The following TTC28 variants were observed in gnomAD, a reference collection of about 807,000 sequenced individuals.
TTC28 encodes the protein tetratricopeptide repeat domain 28.
TTC28 carries 61 observed loss-of-function variants against 198.0 expected under a neutral mutation model. The ratio of observed to expected loss-of-function variants is 0.31; its 90% confidence interval spans 0.25 to 0.38. TTC28 has a LOEUF of 0.38. Among genes scored for constraint, TTC28 ranks in the 10% least tolerant of loss-of-function variants. TTC28 has a pLI of 1.00. For missense variants in TTC28, 2,678 were observed against 3,164.0 expected, an observed-to-expected ratio of 0.85 and a Z score of 3.69; for synonymous variants, 1,171 against 1,297.8, an observed-to-expected ratio of 0.90 and a Z score of 2.10.
chr22:28,193,221 C>A (rs1002642877), intron 5 of TTC28, among the ~76,000 whole-genome samples: 2 of 152,162 alleles, frequency 1.3e-5, no homozygotes, highest in African/African-American at 4.8e-5. Flanking sequence ...AAATCCTTTA[C>A]AGACAAGCGA....
intron 6 of TTC28, among the ~76,000 whole-genome samples, chr22:28,119,658 C>T (rs1171157515): frequency 6.6e-6 from 1 of 152,166 alleles, no homozygotes; most frequent in Non-Finnish European, 1.5e-5. Context: ...GCCAGGGATA[C>T]TAAACAACCT....
chr22:28,463,618 T>C (rs1334730269), intron 2 of TTC28, among the ~76,000 whole-genome samples: 1 of 152,136 alleles, frequency 6.6e-6, no homozygotes, highest in Non-Finnish European at 1.5e-5. Context: ...TGTAGGGACA[T>C]GGATGAAGCT....
At chr22:28,209,605 G>A (rs1926729664) in intron 5 of TTC28, among the ~76,000 whole-genome samples, 1 of 152,196 alleles carries the variant, frequency 6.6e-6, no homozygotes, top group Admixed American at 6.5e-5. Context: ...GTCTGCCATT[G>A]CTGAGTCTTG....
At chr22:28,492,052 T>C (rs528997162) in intron 2 of TTC28, among the ~76,000 whole-genome samples, 10 of 151,546 alleles carry the variant, frequency 6.6e-5, no homozygotes, top group Non-Finnish European at 1.3e-4. Context: ...TAGGTGAGAA[T>C]TGAACAATGA....
chr22:27,984,289 G>A (rs547135464), intron 22 of TTC28, among the ~76,000 whole-genome samples: 2 of 152,074 alleles, frequency 1.3e-5, no homozygotes, highest in South Asian at 2.1e-4. Flanking sequence ...ACCGACACTC[G>A]CTCTCCACAC....
At chr22:28,106,579 C>A (rs185881146) in intron 7 of TTC28, among the ~76,000 whole-genome samples, 1 of 152,258 alleles carries the variant, frequency 6.6e-6, no homozygotes, top group East Asian at 1.9e-4. Flanking sequence ...CAACATAGTA[C>A]ATTTATGCAT....
intron 6 of TTC28, among the ~76,000 whole-genome samples, chr22:28,151,297 C>G (rs1601390055): frequency 6.6e-6 from 1 of 152,336 alleles, no homozygotes; most frequent in African/African-American, 2.4e-5. Flanking sequence ...CAAGTGCCAA[C>G]TGCCAAGCTG....
In TTC28 at chr22:27,996,142, AGCAGCACTCGCAGGGCGTCCCGC is replaced by A; in HGVS notation, c.5214_5236del (p.Arg1739AlafsTer108). On this transcript the variant is annotated frameshift_variant, in exon 17 of 23. Coordinates refer to ENST00000397906, the MANE Select transcript of TTC28 (RefSeq NM_001145418.2). LOFTEE classifies it high-confidence loss of function. ...GGTGCCCGACCCCCTTACCAGGTGC[AGCAGCACTCGCAGGGCGTCCCGC>A]GCACGCTCCGGGTGCTGCAGGATCT... 1 of 1,549,674 alleles carries A rather than the reference AGCAGCACTCGCAGGGCGTCCCGC, an allele frequency of 6.5e-7. No individual in the cohort carries two copies. Among genetic ancestry groups the A allele is most frequent in the Non-Finnish European group, 8.7e-7 (1 of 1,146,904 alleles).
intron 5 of TTC28, 104 bp from the exon 6 acceptor site, chr22:28,163,703 C>G (rs1205216626): frequency 1.6e-6 from 2 of 1,254,724 alleles, no homozygotes; most frequent in South Asian, 1.6e-5. Context: ...CGAATAGGAA[C>G]AGCTCTAGTC....
intron 2 of TTC28, among the ~76,000 whole-genome samples, chr22:28,374,887 T>C (rs1326627352): frequency 1.3e-5 from 2 of 151,804 alleles, no homozygotes; most frequent in African/African-American, 4.8e-5. Flanking sequence ...GATGGGGTTT[T>C]GCCATGTTGG....
intron 2 of TTC28, 35 bp downstream of exon 2, chr22:28,629,517 T>G: frequency 6.6e-7 from 1 of 1,508,224 alleles, no homozygotes; most frequent in Middle Eastern, 1.7e-4. Context: ...CAAAAGATTC[T>G]ATGAAAATAA....
intron 6 of TTC28, among the ~76,000 whole-genome samples, chr22:28,110,181 G>A (rs958478044): frequency 6.6e-6 from 1 of 152,162 alleles, no homozygotes; most frequent in Non-Finnish European, 1.5e-5. Context: ...TGAGTCTGTG[G>A]GGACCACTCT....
In TTC28 at chr22:28,015,863, G is replaced by A. The variant is rs185153280; in HGVS notation, c.4074-1471C>T. Among the ~76,000 whole-genome samples the A allele has an allele frequency of 2.3e-3, 354 of 151,708 alleles. 5 individuals carry two copies. Among genetic ancestry groups the A allele is most frequent in the Admixed American group, 1.9e-3 (29 of 15,174 alleles). The stretch of plus-strand genomic sequence containing the variant: ...AGGTTCAGTAGGTACTCTGGCTACT[G>A]GCAGTGACAGCAACTAGATTGTTGC... On this transcript the variant is annotated intron_variant, in intron 13 of 22. Coordinates refer to ENST00000397906, the MANE Select transcript of TTC28 (RefSeq NM_001145418.2).
chr22:28,026,201 G>A (rs1938825710), intron 13 of TTC28, among the ~76,000 whole-genome samples: 1 of 152,216 alleles, frequency 6.6e-6, no homozygotes, highest in Non-Finnish European at 1.5e-5. Context: ...GAAGGGGGCA[G>A]GGAAAAGCTC....
At chr22:28,400,993 T>C (rs1383625823) in intron 2 of TTC28, among the ~76,000 whole-genome samples, 1 of 152,184 alleles carries the variant, frequency 6.6e-6, no homozygotes, top group African/African-American at 2.4e-5. Flanking sequence ...TATTTTAAGT[T>C]GATGTTTTAG....
At chr22:28,586,511 A>G (rs944730190) in intron 2 of TTC28, among the ~76,000 whole-genome samples, 1 of 152,190 alleles carries the variant, frequency 6.6e-6, no homozygotes, top group Non-Finnish European at 1.5e-5. Context: ...AAATGTATAC[A>G]TATTTATAGT....
chr22:28,018,177 C>A (rs545946262), intron 13 of TTC28, among the ~76,000 whole-genome samples: 38 of 152,094 alleles, frequency 2.5e-4, no homozygotes, highest in Non-Finnish European at 5.0e-4. Context: ...CAGGACCTGG[C>A]CACGGGGCCC....
At position 28,530,314 on chromosome 22, in the gene TTC28, T is replaced by C. The variant is rs144800004; in HGVS notation, c.381+99238A>G. 9.8e-3 allele frequency among the ~76,000 whole-genome samples: 1,489 copies of C among 152,172 alleles called. 26 individuals are homozygous for C. Among genetic ancestry groups the C allele is most frequent in the African/African-American group, 0.033 (1,388 of 41,502 alleles). On this transcript the variant is annotated intron_variant, in intron 2 of 22. Transcript: ENST00000397906. ...CAAGTGGAAGAAAGGGTATCAGTGA[T>C]TGAAGATCAAATGAATGAAATGAAG...
rs535351605 is a variant in TTC28, at chr22:28,335,679, C to T, written c.382-29036G>A. The stretch of plus-strand genomic sequence containing the variant: ...TATAAGAATGCTTGTGATTTTTGCA[C>T]ATTGATTTTGTATCCTGAGACTTTG... On this transcript the variant is annotated intron_variant, in intron 2 of 22. Transcript: ENST00000397906. Among the ~76,000 whole-genome samples, 86 of 152,144 alleles carry T rather than the reference C, an allele frequency of 5.7e-4. 1 individual carries two copies. Among genetic ancestry groups the T allele is most frequent in the Non-Finnish European group, 1.1e-3 (76 of 68,026 alleles).
Sources: gnomAD v4.1 joint callset for allele counts (sites outside exome capture counted in the v4.1 genomes callset) on GRCh38, gnomAD v4.1.1 for gene constraint, MANE v1.5 for transcripts, NCBI Gene and HGNC (gene_info 2026-07-23, HGNC 2026-07-21) for gene names.